TXNRD1: variants seen among roughly 807,000 people sequenced by gnomAD.
TXNRD1 encodes thioredoxin reductase 1, cytoplasmic.
Under a neutral mutation model 80.3 loss-of-function variants are expected in TXNRD1, and 57 were observed. The observed-to-expected ratio is 0.71, with a 90% CI of 0.57 to 0.89. The LOEUF is 0.89. Ranked by LOEUF, TXNRD1 falls within the 40% of genes least tolerant of loss-of-function variation. The pLI is 0.00. For missense variants in TXNRD1, 730 were observed against 803.0 expected, an observed-to-expected ratio of 0.91 and a Z score of 1.10; for synonymous variants, 291 against 285.2, an observed-to-expected ratio of 1.02 and a Z score of -0.20.
intron 5 of TXNRD1, among the ~76,000 whole-genome samples, chr12:104,312,494 C>T (rs1457707400): frequency 6.6e-6 from 1 of 152,118 alleles, no homozygotes; most frequent in Non-Finnish European, 1.5e-5. Context: ...CAATGCTTTA[C>T]TGAAAGTAAT....
At chr12:104,339,492 A>T (rs2036252306) in intron 16 of TXNRD1, 1 of 715,988 alleles carries the variant, frequency 1.4e-6, no homozygotes, top group South Asian at 1.4e-5. Context: ...AAATTATGAG[A>T]GTGATTTATA....
intron 11 of TXNRD1, among the ~76,000 whole-genome samples, chr12:104,325,916 A>T (rs1403329378): frequency 6.6e-6 from 1 of 151,508 alleles, no homozygotes. Context: ...ATGGCTTCAG[A>T]TTTTTTCCAC....
intron 10 of TXNRD1, among the ~76,000 whole-genome samples, chr12:104,323,373 G>C (rs557834740): frequency 2.0e-5 from 3 of 150,190 alleles, no homozygotes; most frequent in Admixed American, 6.6e-5. Flanking sequence ...CTTCCCAGTA[G>C]GGGCGGCCGG....
At chr12:104,219,862 G>A (rs2032310813) in intron 1 of TXNRD1, among the ~76,000 whole-genome samples, 1 of 152,124 alleles carries the variant, frequency 6.6e-6, no homozygotes. Context: ...GTAAGGAGAG[G>A]AGACAGTATT....
chr12:104,305,485 AG>A (rs1365970432), intron 4 of TXNRD1, among the ~76,000 whole-genome samples: 1 of 152,230 alleles, frequency 6.6e-6, no homozygotes, highest in African/African-American at 2.4e-5. Context: ...TATTGTACTC[AG>A]CAAAAGTAGT....
At chr12:104,310,023 C>T in intron 4 of TXNRD1, 1 of 1,536,276 alleles carries the variant, frequency 6.5e-7, no homozygotes, top group Non-Finnish European at 8.7e-7. Context: ...GAACCTTCTT[C>T]TTCCGCTGAC....
At chr12:104,289,499 G>A (rs2034101941) in intron 4 of TXNRD1, 2 of 154,730 alleles carry the variant, frequency 1.3e-5, no homozygotes, top group African/African-American at 4.8e-5. Context: ...GGGTCTGGAG[G>A]AGAGCAACCA....
chr12:104,287,175 G>C, intron 3 of TXNRD1: 4 of 1,574,678 alleles, frequency 2.5e-6, no homozygotes, highest in Non-Finnish European at 3.4e-6. Context: ...CGCGGGGGAC[G>C]GCCTGCCGGC....
At chr12:104,292,311 G>C (rs553590180) in intron 4 of TXNRD1, among the ~76,000 whole-genome samples, 1 of 152,104 alleles carries the variant, frequency 6.6e-6, no homozygotes, top group Non-Finnish European at 1.5e-5. Context: ...TGGAGTACTC[G>C]TTAATTATGC....
intron 3 of TXNRD1, chr12:104,286,762 A>C (rs1249745707): frequency 9.8e-7 from 1 of 1,023,820 alleles, no homozygotes; most frequent in African/African-American, 1.7e-5. Context: ...CAGTAAAAAC[A>C]CACTTATTCC....
intron 4 of TXNRD1, chr12:104,304,301 C>A: frequency 6.2e-7 from 1 of 1,614,054 alleles, no homozygotes; most frequent in South Asian, 1.1e-5. Flanking sequence ...TTGTGACTTT[C>A]TGTTTCTGTT....
intron 9 of TXNRD1, among the ~76,000 whole-genome samples, chr12:104,319,989 C>G (rs2035471032): frequency 6.6e-6 from 1 of 152,292 alleles, no homozygotes; most frequent in East Asian, 1.9e-4. Flanking sequence ...TACCCTTTAA[C>G]ACTTGCAGAG....
chr12:104,250,347 G>A (rs2033093218), intron 1 of TXNRD1, among the ~76,000 whole-genome samples: 1 of 152,152 alleles, frequency 6.6e-6, no homozygotes, highest in Non-Finnish European at 1.5e-5. Context: ...ATAGGCAATA[G>A]TTTCTTAGAT....
rs921870627 is a variant in TXNRD1, at chr12:104,325,392, C to T, written c.1271C>T (p.Thr424Ile). 2.5e-6 allele frequency: 4 copies of T among 1,613,070 alleles called. No individual in the cohort carries two copies. The African/African-American group carries it at 4.0e-5, about 16-fold the overall frequency. Residue 424 changes from threonine (T) to isoleucine (I), a missense_variant, in exon 11 of 17, where the codon ACC becomes ATC. Coordinates refer to ENST00000525566, the MANE Select transcript of TXNRD1 (RefSeq NM_001093771.3). Reference protein sequence around the residue: ...PGRLRVVAQSTNSEEIIEGEY... With the variant: ...PGRLRVVAQSINSEEIIEGEY... ...CGACTCAGAGTAGTAGCTCAGTCCA[C>T]CAATAGTGAGGAAATCATTGAAGGA...
intron 16 of TXNRD1, among the ~76,000 whole-genome samples, chr12:104,347,179 ATT>A (rs202064310): frequency 6.7e-5 from 10 of 148,548 alleles, no homozygotes; most frequent in South Asian, 2.1e-4. Flanking sequence ...TCTTATAATG[ATT>A]TTTTTTTTTG....
At chr12:104,327,429 T>G in intron 12 of TXNRD1, 86 bp from the exon 13 acceptor site, 2 of 1,375,590 alleles carry the variant, frequency 1.5e-6, no homozygotes. Flanking sequence ...GTCACAATTT[T>G]GGGCTTCCCT....
At chr12:104,304,923 ACTC>A (rs751171911) in intron 4 of TXNRD1, 9 of 1,588,340 alleles carry the variant, frequency 5.7e-6, no homozygotes, top group African/African-American at 5.5e-5. Context: ...ATGATTACAT[ACTC>A]CTCATACTAA....
At chr12:104,279,818 A>C (rs2033838498) in intron 3 of TXNRD1, among the ~76,000 whole-genome samples, 1 of 152,142 alleles carries the variant, frequency 6.6e-6, no homozygotes, top group Non-Finnish European at 1.5e-5. Flanking sequence ...TAATCCCAGC[A>C]CTTTGGGAGG....
chr12:104,335,958 T>C (rs1415582013), intron 15 of TXNRD1, among the ~76,000 whole-genome samples: 1 of 152,210 alleles, frequency 6.6e-6, no homozygotes, highest in Non-Finnish European at 1.5e-5. Flanking sequence ...GGATAACCCA[T>C]AATGAGCTAC....
Sources: allele counts gnomAD v4.1 joint callset (sites outside exome capture counted in the v4.1 genomes callset), GRCh38; gene constraint gnomAD v4.1.1; transcripts MANE v1.5; gene names NCBI Gene and HGNC (gene_info 2026-07-23, HGNC 2026-07-21).